CDH8: variants seen among roughly 807,000 people sequenced by gnomAD.
CDH8 encodes cadherin 8.
CDH8 carries 17 observed loss-of-function variants against 68.1 expected under a neutral mutation model. The ratio of observed to expected loss-of-function variants is 0.25; its 90% confidence interval spans 0.17 to 0.37. The LOEUF (loss-of-function observed/expected upper bound fraction) is 0.37, where lower values mean the gene tolerates loss of function less well. Ranked by LOEUF, CDH8 falls within the 10% of genes least tolerant of loss-of-function variation. The pLI is 1.00. For missense variants in CDH8, 763 were observed against 999.3 expected (o/e 0.76, Z 3.19); for synonymous variants, 372 against 365.1 (o/e 1.02, Z -0.21).
Position 61,927,993 on chromosome 16 carries a change from T to C in CDH8, c.253-26520A>G, listed in dbSNP as rs139511312. Reference sequence around the variant, plus strand: ...CAGTCCTTCCCTTCGGTAAAGTTAGTTCCACTGAATTGCATTTTGCATGCA... The same window carrying C: ...CAGTCCTTCCCTTCGGTAAAGTTAGCTCCACTGAATTGCATTTTGCATGCA... On this transcript the variant is annotated intron_variant, in intron 2 of 11. Coordinates refer to ENST00000577390, the MANE Select transcript of CDH8 (RefSeq NM_001796.5). 3.3e-4 allele frequency among the ~76,000 whole-genome samples: 50 copies of C among 152,322 alleles called. 1 individual carries two copies. The highest frequency in any genetic ancestry group is 1.0e-3 in the African/African-American group (43 of 41,578).
chr16:61,882,278 C>T (rs186422943), intron 3 of CDH8, among the ~76,000 whole-genome samples: 117 of 152,302 alleles, frequency 7.7e-4, no homozygotes, highest in Middle Eastern at 3.4e-3. Context: ...TAATCATACA[C>T]GTTTCCATGC....
At chr16:61,971,748 G>C (rs565443329) in intron 2 of CDH8, among the ~76,000 whole-genome samples, 6 of 152,138 alleles carry the variant, frequency 3.9e-5, no homozygotes, top group Non-Finnish European at 7.3e-5. Flanking sequence ...CAGCTCCCAC[G>C]CTAGAGCTGC....
At chr16:62,003,988 A>G (rs1430363867) in intron 2 of CDH8, among the ~76,000 whole-genome samples, 6 of 152,318 alleles carry the variant, frequency 3.9e-5, no homozygotes, top group African/African-American at 1.4e-4. Flanking sequence ...TCATAGAGAA[A>G]CAGAATGTTG....
rs1165073221 is a variant in CDH8, at chr16:61,736,139, GGAAGGAAGGAAGGAAGGAAA to G, written c.1415-8944_1415-8925del. The stretch of plus-strand genomic sequence containing the variant: ...AGGAAGGAAGGAAGGAAGGAAGGAA[GGAAGGAAGGAAGGAAGGAAA>G]GAAGGAAGGAAAGAAAGAAAGGTGG... On this transcript the variant is annotated intron_variant, in intron 8 of 11. Coordinates refer to ENST00000577390, the MANE Select transcript of CDH8 (RefSeq NM_001796.5). Among the ~76,000 whole-genome samples, 348 of 150,664 alleles carry G rather than the reference GGAAGGAAGGAAGGAAGGAAA, an allele frequency of 2.3e-3. 2 individuals are homozygous for G. Among genetic ancestry groups the G allele is most frequent in the African/African-American group, 8.2e-3 (336 of 40,906 alleles).
At chr16:62,017,340 G>A (rs1042659868) in intron 2 of CDH8, among the ~76,000 whole-genome samples, 5 of 152,066 alleles carry the variant, frequency 3.3e-5, no homozygotes, top group Non-Finnish European at 7.3e-5. Context: ...TATTAAAGGA[G>A]GAACAATTAC....
At chr16:61,778,650 C>T (rs542051390) in intron 8 of CDH8, among the ~76,000 whole-genome samples, 13 of 152,224 alleles carry the variant, frequency 8.5e-5, no homozygotes, top group East Asian at 3.9e-4. Context: ...TGCTAAAAGA[C>T]GTAGTACTAT....
rs564614094 is a variant in CDH8 at position 61,994,301 on chromosome 16, G to A, written c.252+26851C>T. Among the ~76,000 whole-genome samples the A allele has an allele frequency of 3.9e-5, 6 of 152,236 alleles. No homozygotes were observed. In the South Asian group the frequency reaches 1.2e-3, roughly 32 times the overall value. On this transcript the variant is annotated intron_variant, in intron 2 of 11. Coordinates refer to ENST00000577390, the MANE Select transcript of CDH8 (RefSeq NM_001796.5). Reference sequence around the variant, plus strand: ...TCTAAAAAGCTTACTTTGATGGCAGGTTCCAGGTGTAAATTGAGTCAGGCA... The same window carrying A: ...TCTAAAAAGCTTACTTTGATGGCAGATTCCAGGTGTAAATTGAGTCAGGCA...
chr16:61,868,725 A>C (rs1018720628), intron 3 of CDH8, among the ~76,000 whole-genome samples: 5 of 152,170 alleles, frequency 3.3e-5, no homozygotes, highest in Non-Finnish European at 4.4e-5. Flanking sequence ...GAAGCACTTC[A>C]AATTCTGAAT....
At chr16:61,747,294 T>A (rs764045203) in intron 8 of CDH8, among the ~76,000 whole-genome samples, 1 of 152,134 alleles carries the variant, frequency 6.6e-6, no homozygotes, top group Non-Finnish European at 1.5e-5. Flanking sequence ...GTTTTCGATG[T>A]ACTTGCAGAG....
intron 8 of CDH8, among the ~76,000 whole-genome samples, chr16:61,768,375 TCTCTCTCTCTCTCTCTCTCC>T (rs1960677852): frequency 9.7e-6 from 1 of 103,282 alleles, no homozygotes; most frequent in Non-Finnish European, 2.0e-5. Flanking sequence ...TCTCCCTTTC[TCTCTCTCTCTCTCTCTCTCC>T]CTTTCTCTCT....
intron 10 of CDH8, among the ~76,000 whole-genome samples, chr16:61,658,390 T>A (rs1567406812): frequency 1.3e-5 from 2 of 151,986 alleles, no homozygotes; most frequent in Non-Finnish European, 2.9e-5. Context: ...TTTCAAGACT[T>A]ATTTTAAAAA....
At chr16:61,878,023 G>A (rs12149022) in intron 3 of CDH8, among the ~76,000 whole-genome samples, 5,582 of 152,276 alleles carry the variant, frequency 0.037, 120 homozygotes, top group Middle Eastern at 0.054. Context: ...AAAGATGTAT[G>A]AGTAATGGTC....
intron 7 of CDH8, among the ~76,000 whole-genome samples, chr16:61,792,575 G>T (rs1339612088): frequency 6.6e-6 from 1 of 151,826 alleles, no homozygotes; most frequent in Admixed American, 6.6e-5. Context: ...TCTTTTCTTG[G>T]TTTCTTATAT....
intron 1 of CDH8, among the ~76,000 whole-genome samples, chr16:62,035,742 G>T (rs1013422924): frequency 6.6e-6 from 1 of 152,180 alleles, no homozygotes; most frequent in South Asian, 2.1e-4. Flanking sequence ...GCCTGCCTGC[G>T]TTGGGAAGCG....
At chr16:61,821,715 C>A (rs1394692356) in intron 5 of CDH8, among the ~76,000 whole-genome samples, 1 of 152,024 alleles carries the variant, frequency 6.6e-6, no homozygotes, top group African/African-American at 2.4e-5. Flanking sequence ...GCCTTCAACA[C>A]TTCCTAGGCA....
intron 2 of CDH8, among the ~76,000 whole-genome samples, chr16:61,906,529 T>C (rs1039863133): frequency 6.6e-6 from 1 of 152,210 alleles, no homozygotes; most frequent in African/African-American, 2.4e-5. Flanking sequence ...ATCAGCACCA[T>C]TATACCCTCA....
chr16:62,014,610 A>G (rs1476116028), intron 2 of CDH8, among the ~76,000 whole-genome samples: 1 of 152,224 alleles, frequency 6.6e-6, no homozygotes, highest in Non-Finnish European at 1.5e-5. Flanking sequence ...ACTGTAATAT[A>G]GTGTAATTAT....
intron 10 of CDH8, 97 bp from the exon 11 acceptor site, chr16:61,655,818 A>G: frequency 9.4e-7 from 1 of 1,068,450 alleles, no homozygotes; most frequent in Non-Finnish European, 1.4e-6. Context: ...GCAAACCTCA[A>G]GACAATCCCG....
intron 1 of CDH8, among the ~76,000 whole-genome samples, chr16:62,033,131 C>T (rs898174161): frequency 1.3e-5 from 2 of 152,196 alleles, no homozygotes; most frequent in Non-Finnish European, 2.9e-5. Flanking sequence ...TCAGTCTTTA[C>T]AAATGCCTTC....
Sources: gnomAD v4.1 joint callset for allele counts (sites outside exome capture counted in the v4.1 genomes callset) on GRCh38, gnomAD v4.1.1 for gene constraint, MANE v1.5 for transcripts, NCBI Gene and HGNC (gene_info 2026-07-23, HGNC 2026-07-21) for gene names.